The following BACE2 variants were observed in gnomAD, a reference collection of about 807,000 sequenced individuals.
The protein encoded by BACE2 is beta-secretase 2.
BACE2 carries 17 observed loss-of-function variants against 46.2 expected under a neutral mutation model. The ratio of observed to expected loss-of-function variants is 0.37; its 90% confidence interval spans 0.25 to 0.55. The LOEUF (loss-of-function observed/expected upper bound fraction) is 0.55, where lower values mean the gene tolerates loss of function less well. Among genes scored for constraint, BACE2 ranks in the 20% least tolerant of loss-of-function variants. The pLI is 0.82. For missense variants in BACE2, 595 were observed against 698.1 expected (o/e 0.85, Z 1.66); for synonymous variants, 277 against 295.9 (o/e 0.94, Z 0.66).
chr21:41,254,279 A>G (rs1346568737), intron 7 of BACE2, among the ~76,000 whole-genome samples: 1 of 152,216 alleles, frequency 6.6e-6, no homozygotes, highest in Non-Finnish European at 1.5e-5. Context: ...GTTTCTTCAC[A>G]GCTTCTACTT....
At chr21:41,270,934 A>G (rs1310239425) in intron 8 of BACE2, among the ~76,000 whole-genome samples, 1 of 152,122 alleles carries the variant, frequency 6.6e-6, no homozygotes, top group Non-Finnish European at 1.5e-5. Flanking sequence ...GGATTTGTCT[A>G]TTTCTCTTTG....
At chr21:41,262,294 G>GT (rs1244192158) in intron 8 of BACE2, among the ~76,000 whole-genome samples, 3 of 152,000 alleles carry the variant, frequency 2.0e-5, no homozygotes, top group East Asian at 1.9e-4. Context: ...TGAGTTAAAT[G>GT]TTTTTTTGCA....
At chr21:41,226,211 C>G (rs1986812846) in intron 1 of BACE2, 55 bp from the exon 2 acceptor site, 1 of 1,378,504 alleles carries the variant, frequency 7.3e-7, no homozygotes, top group East Asian at 2.3e-5. Context: ...AGAGTATTGC[C>G]TTATTAAAAT....
At chr21:41,179,797 A>C in intron 1 of BACE2, 1 of 538,386 alleles carries the variant, frequency 1.9e-6, no homozygotes, top group Admixed American at 2.9e-5. Flanking sequence ...TGTGTGTTTT[A>C]TTCAACAGTG....
chr21:41,234,618 ATAAT>A (rs1225426953), intron 2 of BACE2, among the ~76,000 whole-genome samples: 4 of 152,236 alleles, frequency 2.6e-5, no homozygotes, highest in Admixed American at 1.3e-4. Context: ...GCATTTCAAG[ATAAT>A]TAGTCTTTGT....
chr21:41,224,075 G>A (rs1251165395), intron 1 of BACE2, among the ~76,000 whole-genome samples: 1 of 152,128 alleles, frequency 6.6e-6, no homozygotes, highest in Non-Finnish European at 1.5e-5. Context: ...CAGGAAGAGG[G>A]AGCGAGACTG....
chr21:41,250,843 C>G lies in BACE2; in HGVS notation c.1076C>G (p.Ser359Cys). Reference sequence around the variant, plus strand: ...CCTTGGTCTTACTTCCCTAAAATCTCCATCTACCTGAGAGACGAGAACTCC... The same window carrying G: ...CCTTGGTCTTACTTCCCTAAAATCTGCATCTACCTGAGAGACGAGAACTCC... ...ETPWSYFPKI[S>C]IYLRDENSSR... The change falls in exon 7 of 9, where the codon TCC becomes TGC. Residue 359 changes from serine to cysteine, a missense_variant. Physicochemically the swap from Ser to Cys is moderately radical, Grantham distance 112. Transcript: ENST00000330333. 6.2e-7 allele frequency: 1 copy of G among 1,614,172 alleles called. No individual in the cohort carries two copies. Among genetic ancestry groups the G allele is most frequent in the Non-Finnish European group, 8.5e-7 (1 of 1,179,988 alleles).
In BACE2 at chr21:41,275,779, T is replaced by C; in HGVS notation, c.*155T>C. 1.2e-6 allele frequency: 1 copy of C among 849,610 alleles called. No homozygotes were observed. The highest frequency in any genetic ancestry group is 1.8e-6 in the Non-Finnish European group (1 of 568,714). 52.6% of individuals were successfully genotyped at this position (849,610 alleles called of 1,614,324 possible). On this transcript the variant is annotated 3_prime_UTR_variant, in exon 9 of 9. Transcript: ENST00000330333. The stretch of plus-strand genomic sequence containing the variant: ...AGATGCCTTCTAGATTCACTGTCTT[T>C]TGATTCTTGATTTTCAAGCTTTCAA...
chr21:41,221,572 T>C (rs552396987), intron 1 of BACE2, among the ~76,000 whole-genome samples: 3 of 152,298 alleles, frequency 2.0e-5, no homozygotes, highest in African/African-American at 7.2e-5. Flanking sequence ...ACGCCTGTAA[T>C]CCCAGCACTT....
At chr21:41,241,722 C>T in intron 3 of BACE2, 97 bp from the exon 4 acceptor site, 1 of 1,431,444 alleles carries the variant, frequency 7.0e-7, no homozygotes, top group Non-Finnish European at 9.6e-7. Flanking sequence ...TGAGTATAAA[C>T]ACCAGGAATG....
chr21:41,177,926 A>C (rs1018190996), intron 1 of BACE2: 1 of 152,292 alleles, frequency 6.6e-6, no homozygotes, highest in Non-Finnish European at 1.5e-5. Flanking sequence ...CCTTGGTGGC[A>C]AACAGACCTG....
At chr21:41,258,910 G>A (rs992250939) in intron 8 of BACE2, among the ~76,000 whole-genome samples, 1 of 152,184 alleles carries the variant, frequency 6.6e-6, no homozygotes, top group Non-Finnish European at 1.5e-5. Flanking sequence ...ATCATTGAGT[G>A]AGACCTTTCT....
chr21:41,195,320 C>G (rs1171672429), intron 1 of BACE2, among the ~76,000 whole-genome samples: 1 of 152,154 alleles, frequency 6.6e-6, no homozygotes, highest in East Asian at 1.9e-4. Context: ...GTGATAAGTC[C>G]CTGTTGGCCA....
At chr21:41,221,975 C>G (rs191888634) in intron 1 of BACE2, among the ~76,000 whole-genome samples, 7 of 152,164 alleles carry the variant, frequency 4.6e-5, no homozygotes, top group Admixed American at 6.5e-5. Flanking sequence ...CAGGAGCTGT[C>G]GGGACCCCGT....
chr21:41,174,827 C>G (rs1400346993), intron 1 of BACE2, among the ~76,000 whole-genome samples: 2 of 152,110 alleles, frequency 1.3e-5, no homozygotes, highest in Non-Finnish European at 2.9e-5. Context: ...TCTGGGTCAC[C>G]CTGTTTGCCC....
chr21:41,243,876 G>T (rs553188839), intron 5 of BACE2, among the ~76,000 whole-genome samples: 1 of 151,698 alleles, frequency 6.6e-6, no homozygotes, highest in African/African-American at 2.4e-5. Context: ...GACAGAGAAG[G>T]ACGAAAATTA....
intron 8 of BACE2, among the ~76,000 whole-genome samples, chr21:41,266,585 A>C (rs918276092): frequency 6.6e-6 from 1 of 152,252 alleles, no homozygotes; most frequent in African/African-American, 2.4e-5. Flanking sequence ...TCCATTTCTC[A>C]TGGGAGAGTT....
intron 1 of BACE2, chr21:41,182,229 G>C (rs1375286540): frequency 6.0e-6 from 1 of 167,100 alleles, no homozygotes; most frequent in Non-Finnish European, 1.5e-5. Context: ...TGTGGTTGTA[G>C]TGCCCTTCCT....
chr21:41,266,509 T>C (rs1281663493), intron 8 of BACE2, among the ~76,000 whole-genome samples: 1 of 152,260 alleles, frequency 6.6e-6, no homozygotes, highest in Non-Finnish European at 1.5e-5. Flanking sequence ...ATGAGAATCT[T>C]GGGATTTGCA....
Sources: allele counts gnomAD v4.1 joint callset (sites outside exome capture counted in the v4.1 genomes callset), GRCh38; gene constraint gnomAD v4.1.1; transcripts MANE v1.5; gene names NCBI Gene and HGNC (gene_info 2026-07-23, HGNC 2026-07-21).